Variants in ISM2 observed in about 807,000 individuals in gnomAD.
The protein encoded by ISM2 is isthmin-2.
Under a neutral mutation model 58.0 loss-of-function variants are expected in ISM2, and 50 were observed. The ratio of observed to expected loss-of-function variants is 0.86; its 90% CI spans 0.69 to 1.09. ISM2 has a LOEUF of 1.09. Among genes scored for constraint, ISM2 ranks in the 50% least tolerant of loss-of-function variants. The probability of loss-of-function intolerance (pLI) is 0.00; values close to 1 mark genes in which losing one functional copy is unlikely to be tolerated. For missense variants in ISM2, 723 were observed against 745.0 expected, an observed-to-expected ratio of 0.97 and a Z score of 0.34; for synonymous variants, 303 against 312.4, an observed-to-expected ratio of 0.97 and a Z score of 0.32.
intron 1 of ISM2, among the ~76,000 whole-genome samples, chr14:77,485,768 G>C (rs2079163900): frequency 6.6e-6 from 1 of 152,148 alleles, no homozygotes. Context: ...TGTGGACCCT[G>C]CTTCACTCAG....
At chr14:77,496,515 G>A (rs1053331417) in intron 1 of ISM2, among the ~76,000 whole-genome samples, 14 of 151,778 alleles carry the variant, frequency 9.2e-5, no homozygotes, top group African/African-American at 3.1e-4. Context: ...CGGGCGTGGC[G>A]GCTCACACCT....
At chr14:77,486,067 A>T (rs1566756401) in intron 1 of ISM2, among the ~76,000 whole-genome samples, 1 of 152,214 alleles carries the variant, frequency 6.6e-6, no homozygotes, top group African/African-American at 2.4e-5. Context: ...CCTCATTGTC[A>T]TGCCTGTCTT....
chr14:77,484,216 G>GC, intron 3 of ISM2, 107 bp downstream of exon 3: 1 of 1,435,192 alleles, frequency 7.0e-7, no homozygotes. Context: ...CCACACAGCA[G>GC]CCCCACCCTC....
At chr14:77,497,756 AGGGAGGGAGGGAG>A (rs2079254379) in intron 1 of ISM2, among the ~76,000 whole-genome samples, 1 of 63,698 alleles carries the variant, frequency 1.6e-5, no homozygotes, top group African/African-American at 7.7e-5. Flanking sequence ...GGAGGGAGGG[AGGGAGGGAGGGAG>A]GGAAGGAAGG....
At chr14:77,486,043 T>C (rs1171060802) in intron 1 of ISM2, among the ~76,000 whole-genome samples, 1 of 152,208 alleles carries the variant, frequency 6.6e-6, no homozygotes, top group African/African-American at 2.4e-5. Flanking sequence ...CATTTCATCC[T>C]CCCTGTCTTA....
chr14:77,491,056 T>C (rs2079200568), intron 1 of ISM2, among the ~76,000 whole-genome samples: 4 of 152,162 alleles, frequency 2.6e-5, no homozygotes, highest in Non-Finnish European at 4.4e-5. Flanking sequence ...CTTTAGGAAA[T>C]ACATCCTTCT....
chr14:77,492,516 CTTTT>C (rs11345814), intron 1 of ISM2, among the ~76,000 whole-genome samples: 5 of 93,466 alleles, frequency 5.3e-5, no homozygotes, highest in Admixed American at 3.7e-4. Context: ...TGGCCCCAGC[CTTTT>C]TTTTTTTTTT....
At position 77,475,926 on chromosome 14, in the gene ISM2, C is replaced by T. The variant is rs201324121; in HGVS notation, c.1385G>A (p.Arg462His). The part of the protein sequence containing the change: ...SFRWRDASGP[R>H]ERLDIYQPTA... ...GGGCTGGTAGATGTCCAGGCGCTCG[C>T]GAGGGCCACTGGCATCCCTCCACCG... Residue 462 changes from arginine (R) to histidine (H), a missense_variant, in exon 7 of 7, where the codon CGC (arginine) becomes CAC (histidine). By Grantham distance (29) the Arg-to-His change is conservative. Transcript: ENST00000342219. The surrounding 1 kb of genome is among the most constrained non-coding windows in gnomAD (Gnocchi z 4.1). 1.2e-5 allele frequency: 20 copies of T among 1,600,086 alleles called. No individual in the cohort carries two copies. The Admixed American group carries it at 2.3e-4, about 19-fold the overall frequency.
In ISM2 at chr14:77,480,548, C is replaced by T. The variant is rs796520619; in HGVS notation, c.973+1774G>A. On this transcript the variant is annotated intron_variant, in intron 4 of 6. Transcript: ENST00000342219. ...AGCTGAAAAACACGGAAATTTTTTC[C>T]TTTTTTTTTTTTTTTTTTTTTTTTT... 1.1e-3 allele frequency among the ~76,000 whole-genome samples: 90 copies of T among 84,826 alleles called. 1 individual carries two copies. The highest frequency in any genetic ancestry group is 4.3e-3 in the African/African-American group (89 of 20,576). The allele number at this position is 84,826 out of a possible 152,430, so 55.6% of individuals were successfully genotyped here.
chr14:77,486,736 C>T (rs2079170288), intron 1 of ISM2, among the ~76,000 whole-genome samples: 1 of 152,050 alleles, frequency 6.6e-6, no homozygotes, highest in Non-Finnish European at 1.5e-5. Flanking sequence ...GGTGGCTGGG[C>T]CTGCCTGGGC....
chr14:77,490,797 C>T (rs964188533), intron 1 of ISM2, among the ~76,000 whole-genome samples: 7 of 152,224 alleles, frequency 4.6e-5, no homozygotes, highest in African/African-American at 9.6e-5. Flanking sequence ...CTCTGGGCAG[C>T]CAAGCTTCCA....
At chr14:77,496,117 A>C (rs1393401243) in intron 1 of ISM2, among the ~76,000 whole-genome samples, 2 of 150,392 alleles carry the variant, frequency 1.3e-5, no homozygotes, top group East Asian at 3.9e-4. Context: ...CTTGAGGCTG[A>C]GGCAGGAGAA....
At chr14:77,498,311 G>T in intron 1 of ISM2, 1 of 1,363,668 alleles carries the variant, frequency 7.3e-7, no homozygotes, top group Non-Finnish European at 9.6e-7. Flanking sequence ...CCGAGCTAGC[G>T]CGCACCTGGA....
At chr14:77,482,041 A>T (rs191633716) in intron 4 of ISM2, among the ~76,000 whole-genome samples, 184 of 151,706 alleles carry the variant, frequency 1.2e-3, no homozygotes, top group African/African-American at 4.2e-3. Flanking sequence ...TGAGCCCAGG[A>T]GTTTGAGGCT....
intron 3 of ISM2, 27 bp from the exon 4 acceptor site, chr14:77,482,694 G>A (rs780574694): frequency 7.1e-7 from 1 of 1,411,558 alleles, no homozygotes; most frequent in South Asian, 1.4e-5. Flanking sequence ...AGGCCGGCCA[G>A]TGAAGGAGGT....
rs1018119024 is a variant in ISM2, at chr14:77,482,437, C to T, written c.858G>A (p.Glu286=). Reference sequence around the variant, plus strand: ...GCTCTTCCTCATCTTCCTCTTTGTCCTCTTGATCCTCACCCTCGATATCCT... The same window carrying T: ...GCTCTTCCTCATCTTCCTCTTTGTCTTCTTGATCCTCACCCTCGATATCCT... ...PSEDIEGEDQ[E]DKEEDEEEQA... The change falls in exon 4 of 7, where the codon GAG becomes GAA. Residue 286 remains glutamate, a synonymous_variant. Transcript: ENST00000342219. 1 of 1,614,082 alleles carries T rather than the reference C, an allele frequency of 6.2e-7. No individual in the cohort carries two copies. Among genetic ancestry groups the T allele is most frequent in the African/African-American group, 1.3e-5 (1 of 74,936 alleles).
chr14:77,498,575 C>T (rs867428739), intron 1 of ISM2, 78 bp downstream of exon 1: 51 of 1,388,250 alleles, frequency 3.7e-5, no homozygotes, highest in Middle Eastern at 2.4e-4. Context: ...CGGTCCCGCT[C>T]CCCGCACGGC....
intron 6 of ISM2, 97 bp downstream of exon 6, chr14:77,478,145 T>C (rs955349143): frequency 2.0e-6 from 2 of 994,442 alleles, no homozygotes; most frequent in Non-Finnish European, 3.1e-6. Context: ...CTCTGCCTAG[T>C]GGAAAGAAGC....
At position 77,498,770 on chromosome 14, in the gene ISM2, G is replaced by C. The variant is rs1030701979; in HGVS notation, c.24C>G (p.Ala8=). Residue 8 remains alanine (A), a synonymous_variant, in exon 1 of 7, where the codon GCC becomes GCG. Coordinates refer to ENST00000342219, the MANE Select transcript of ISM2 (RefSeq NM_199296.3). MRALRDR[A]GLLLCVLLLA... is the part of the protein sequence containing the mutation. Reference sequence around the variant, plus strand: ...GCAGCAGCACGCAGAGGAGGAGCCCGGCTCGGTCGCGGAGCGCACGCATCG... The same window carrying C: ...GCAGCAGCACGCAGAGGAGGAGCCCCGCTCGGTCGCGGAGCGCACGCATCG... The C allele has an allele frequency of 7.5e-6, 11 of 1,466,452 alleles. No individual in the cohort carries two copies. In the Admixed American group the frequency reaches 2.0e-4, roughly 27 times the overall value. 90.8% of individuals were successfully genotyped at this position (1,466,452 alleles called of 1,614,324 possible).
Sources: allele counts gnomAD v4.1 joint callset (sites outside exome capture counted in the v4.1 genomes callset), GRCh38; gene constraint gnomAD v4.1.1; non-coding constraint Gnocchi (gnomAD v3.1); transcripts MANE v1.5; gene names NCBI Gene and HGNC (gene_info 2026-07-23, HGNC 2026-07-21).